RAPGEF6: variants seen among roughly 807,000 people sequenced by gnomAD.
The protein encoded by RAPGEF6 is Rap guanine nucleotide exchange factor 6.
Under a neutral mutation model 171.4 loss-of-function variants are expected in RAPGEF6, and 56 were observed. The observed-to-expected ratio is 0.33, with a 90% confidence interval of 0.26 to 0.41. RAPGEF6 has a LOEUF of 0.41. Among genes scored for constraint, RAPGEF6 ranks in the 10% least tolerant of loss-of-function variants. The pLI is 1.00. For synonymous variants in RAPGEF6, 692 were observed against 650.1 expected, an observed-to-expected ratio of 1.06 and a Z score of -0.98; for missense variants, 1,674 against 1,921.4, an observed-to-expected ratio of 0.87 and a Z score of 2.41.
intron 5 of RAPGEF6, among the ~76,000 whole-genome samples, chr5:131,549,985 GAA>G (rs1234628243): frequency 6.6e-6 from 1 of 152,090 alleles, no homozygotes; most frequent in Non-Finnish European, 1.5e-5. Context: ...TGTGGAAAGC[GAA>G]ACTGCAGATA....
At chr5:131,610,613 A>G (rs1185903027) in intron 1 of RAPGEF6, among the ~76,000 whole-genome samples, 1 of 152,188 alleles carries the variant, frequency 6.6e-6, no homozygotes, top group Non-Finnish European at 1.5e-5. Context: ...AGTCATACCA[A>G]CATATAAGCC....
At chr5:131,542,188 T>G (rs1760198266) in intron 6 of RAPGEF6, among the ~76,000 whole-genome samples, 1 of 152,220 alleles carries the variant, frequency 6.6e-6, no homozygotes, top group African/African-American at 2.4e-5. Flanking sequence ...TTATATTTAC[T>G]TTAATATATT....
At chr5:131,612,867 T>G (rs775271515) in intron 1 of RAPGEF6, among the ~76,000 whole-genome samples, 3 of 152,208 alleles carry the variant, frequency 2.0e-5, no homozygotes, top group Admixed American at 6.5e-5. Context: ...GAGAAAGAAT[T>G]AGAAATTAAC....
intron 6 of RAPGEF6, among the ~76,000 whole-genome samples, chr5:131,526,965 T>C (rs890748072): frequency 2.6e-5 from 4 of 152,132 alleles, no homozygotes; most frequent in South Asian, 2.1e-4. Context: ...AAGAGAGGTA[T>C]TGAGAAAAGG....
intron 17 of RAPGEF6, among the ~76,000 whole-genome samples, chr5:131,471,862 T>C (rs529294726): frequency 1.3e-5 from 2 of 152,076 alleles, no homozygotes; most frequent in South Asian, 2.1e-4. Context: ...TGAGGAAAAA[T>C]CTGCTTTTAC....
chr5:131,623,777 G>A (rs947948882), intron 1 of RAPGEF6, among the ~76,000 whole-genome samples: 2 of 152,118 alleles, frequency 1.3e-5, no homozygotes, highest in African/African-American at 4.8e-5. Flanking sequence ...GAGCCACTGC[G>A]CCCGGCCTTG....
chr5:131,489,502 A>T (rs1268518724), intron 15 of RAPGEF6, 44 bp downstream of exon 15: 2 of 1,166,960 alleles, frequency 1.7e-6, no homozygotes, highest in Non-Finnish European at 2.5e-6. Context: ...TCTATTACCA[A>T]ATTAAGAAGA....
intron 4 of RAPGEF6, among the ~76,000 whole-genome samples, chr5:131,568,136 T>A (rs1228458108): frequency 6.6e-6 from 1 of 152,160 alleles, no homozygotes. Context: ...TGATAATCTC[T>A]TTTGATTGGA....
chr5:131,619,580 T>C (rs961619203), intron 1 of RAPGEF6, among the ~76,000 whole-genome samples: 3 of 152,222 alleles, frequency 2.0e-5, no homozygotes, highest in Non-Finnish European at 4.4e-5. Context: ...TATCAAAAGA[T>C]TGAGCATCCA....
intron 6 of RAPGEF6, among the ~76,000 whole-genome samples, chr5:131,524,624 GA>G (rs1758755615): frequency 6.6e-6 from 1 of 150,932 alleles, no homozygotes; most frequent in Non-Finnish European, 1.5e-5. Flanking sequence ...GAGAGAGAGA[GA>G]GAGAGAGAGA....
chr5:131,469,312 C>T (rs1754587708), intron 17 of RAPGEF6, among the ~76,000 whole-genome samples: 1 of 151,994 alleles, frequency 6.6e-6, no homozygotes, highest in African/African-American at 2.4e-5. Flanking sequence ...CTTATTCTGG[C>T]AGTTTAATTT....
At chr5:131,564,630 A>T (rs1233478191) in intron 4 of RAPGEF6, among the ~76,000 whole-genome samples, 1 of 152,236 alleles carries the variant, frequency 6.6e-6, no homozygotes, top group Non-Finnish European at 1.5e-5. Flanking sequence ...CAAACCAGGC[A>T]TGCAAAGAAA....
intron 3 of RAPGEF6, among the ~76,000 whole-genome samples, chr5:131,597,542 A>T (rs540439927): frequency 1.8e-4 from 27 of 152,324 alleles, no homozygotes; most frequent in Non-Finnish European, 2.8e-4. Context: ...AAATCCTGTC[A>T]TTTGCAGCAA....
intron 15 of RAPGEF6, among the ~76,000 whole-genome samples, chr5:131,483,348 C>CAA (rs10637299): frequency 0.71 from 85,894 of 121,510 alleles, 29,929 homozygotes; most frequent in Non-Finnish European, 0.77. Flanking sequence ...GACTCTGTCT[C>CAA]AAAAAAAAAA....
At chr5:131,601,922 C>T (rs889085841) in intron 3 of RAPGEF6, among the ~76,000 whole-genome samples, 1 of 151,814 alleles carries the variant, frequency 6.6e-6, no homozygotes, top group African/African-American at 2.4e-5. Context: ...GTAGTCCCAG[C>T]TACTCAGGAG....
At chr5:131,427,540 A>G (rs1052978213) in intron 27 of RAPGEF6, among the ~76,000 whole-genome samples, 7 of 152,220 alleles carry the variant, frequency 4.6e-5, no homozygotes, top group African/African-American at 1.4e-4. Context: ...TTTATTTTCA[A>G]TAAAACAATC....
At chr5:131,436,373 TACTGCCA>T in intron 24 of RAPGEF6, 2 of 1,537,166 alleles carry the variant, frequency 1.3e-6, no homozygotes, top group Non-Finnish European at 1.7e-6. Context: ...TCAGATATGA[TACTGCCA>T]ACTGGAGGGA....
intron 9 of RAPGEF6, among the ~76,000 whole-genome samples, chr5:131,506,895 CTG>C (rs1241237213): frequency 6.6e-5 from 10 of 151,640 alleles, no homozygotes; most frequent in African/African-American, 2.4e-4. Context: ...TTAGAATATC[CTG>C]TTTAAAAAAA....
At chr5:131,592,518 T>C (rs775538635) in intron 3 of RAPGEF6, 52 bp from the exon 4 acceptor site, 10 of 1,573,644 alleles carry the variant, frequency 6.4e-6, no homozygotes, top group Non-Finnish European at 7.8e-6. Flanking sequence ...CATGTTCATA[T>C]GTATATGAAT....
Sources: gnomAD v4.1 joint callset for allele counts (sites outside exome capture counted in the v4.1 genomes callset) on GRCh38, gnomAD v4.1.1 for gene constraint, MANE v1.5 for transcripts, NCBI Gene and HGNC (gene_info 2026-07-23, HGNC 2026-07-21) for gene names.